The following CHKA variants were observed in gnomAD, a reference collection of about 807,000 sequenced individuals.
The protein encoded by CHKA is choline kinase alpha, also known as CHETK-alpha.
CHKA carries 34 observed loss-of-function variants against 60.1 expected under a neutral mutation model. That is an observed-to-expected ratio of 0.57 (90% CI 0.43 to 0.75). The LOEUF is 0.75. Among genes scored for constraint, CHKA ranks in the 30% least tolerant of loss-of-function variants. The pLI, the probability that CHKA is intolerant of heterozygous loss-of-function variation, is 0.00. For synonymous variants in CHKA, 217 were observed against 223.1 expected, an observed-to-expected ratio of 0.97 and a Z score of 0.24; for missense variants, 563 against 561.3, an observed-to-expected ratio of 1.00 and a Z score of -0.03.
At position 68,121,151 on chromosome 11, in the gene CHKA, GC is replaced by G. The variant is rs1192387986; in HGVS notation, c.26del (p.Gly9AlafsTer12). 8.3e-6 allele frequency: 10 copies of G among 1,207,078 alleles called. No homozygotes were observed. The highest frequency in any genetic ancestry group is 4.5e-5 in the East Asian group (1 of 22,280). 74.8% of individuals were successfully genotyped at this position (1,207,078 alleles called of 1,614,324 possible). A position where few individuals can be genotyped will look rare whatever the true frequency, so the allele number is the denominator to read the frequency against. On this transcript the variant is annotated frameshift_variant, in exon 1 of 12. Transcript: ENST00000265689. LOFTEE classifies it high-confidence loss of function. Reference protein sequence around the residue: MKTKFCTGGEAEPSPLGLL... With the variant: MKTKFCTGXEAEPSPLGLL... ...GCCCGAGCGGCGAGGGCTCCGCCTC[GC>G]CCCCGGTGCAGAATTTGGTTTTCAT...
At chr11:68,095,532 AC>A (rs1857473713) in intron 2 of CHKA, among the ~76,000 whole-genome samples, 1 of 146,256 alleles carries the variant, frequency 6.8e-6, no homozygotes, top group Admixed American at 7.0e-5. Context: ...ACACGGTGAA[AC>A]CCCGTCTCTA....
At chr11:68,055,253 G>A (rs536373004) in intron 11 of CHKA, among the ~76,000 whole-genome samples, 7 of 152,318 alleles carry the variant, frequency 4.6e-5, no homozygotes, top group Non-Finnish European at 7.3e-5. Flanking sequence ...AGCTGGGTGC[G>A]GTGGCGGGCG....
At chr11:68,104,679 C>T (rs559332434) in intron 1 of CHKA, among the ~76,000 whole-genome samples, 24 of 152,094 alleles carry the variant, frequency 1.6e-4, no homozygotes, top group Admixed American at 1.4e-3. Flanking sequence ...GCCTCGGCCT[C>T]CCAAATTGCT....
chr11:68,074,010 G>C (rs1367403179), intron 4 of CHKA, among the ~76,000 whole-genome samples: 1 of 152,116 alleles, frequency 6.6e-6, no homozygotes, highest in Non-Finnish European at 1.5e-5. Context: ...CAACACTTAG[G>C]GTTCATGAGA....
At chr11:68,120,692 G>C (rs1858595944) in intron 1 of CHKA, 136 bp downstream of exon 1, 5 of 290,816 alleles carry the variant, frequency 1.7e-5, no homozygotes, top group Middle Eastern at 1.3e-3. Context: ...TGCGGTCCCC[G>C]GTCCCCGGCC....
intron 5 of CHKA, 72 bp downstream of exon 5, chr11:68,070,652 A>G: frequency 6.6e-7 from 1 of 1,523,238 alleles, no homozygotes; most frequent in Non-Finnish European, 9.0e-7. Context: ...TGGCAAACAA[A>G]TGCTCACTTA....
chr11:68,104,154 T>C (rs551851946), intron 1 of CHKA, among the ~76,000 whole-genome samples: 1 of 152,140 alleles, frequency 6.6e-6, no homozygotes, highest in Non-Finnish European at 1.5e-5. Context: ...TTAAGCCTTA[T>C]AAAAGCAGGA....
chr11:68,087,254 C>T (rs1369537722), intron 2 of CHKA, among the ~76,000 whole-genome samples: 7 of 151,974 alleles, frequency 4.6e-5, no homozygotes, highest in Admixed American at 2.0e-4. Context: ...TTGAGGGGGG[C>T]GGATCATTTG....
intron 2 of CHKA, among the ~76,000 whole-genome samples, chr11:68,087,368 G>C (rs1742953047): frequency 1.3e-5 from 2 of 152,004 alleles, no homozygotes; most frequent in Admixed American, 6.6e-5. Context: ...TGTAATCTCA[G>C]CTACTTGGAA....
At position 68,065,913 on chromosome 11, in the gene CHKA, CAG is replaced by C; in HGVS notation, c.1017-21_1017-20del. 6.5e-7 allele frequency: 1 copy of C among 1,548,180 alleles called. No individual in the cohort carries two copies. The highest frequency in any genetic ancestry group is 8.9e-7 in the Non-Finnish European group (1 of 1,124,628). On this transcript the variant is annotated intron_variant, in intron 8 of 11. Transcript: ENST00000265689. ...GAATCCCCTGAAATAAGACATAAGA[CAG>C]TGCACACAATGAGGCAAACCGTATG...
chr11:68,120,565 C>T (rs1181071804), intron 1 of CHKA, among the ~76,000 whole-genome samples: 1 of 152,232 alleles, frequency 6.6e-6, no homozygotes, highest in Non-Finnish European at 1.5e-5. Context: ...TAGAACAGAC[C>T]CGTTTTCTCA....
At chr11:68,086,581 A>G (rs1472737307) in intron 2 of CHKA, among the ~76,000 whole-genome samples, 1 of 152,260 alleles carries the variant, frequency 6.6e-6, no homozygotes, top group Non-Finnish European at 1.5e-5. Context: ...ATAAAGCCCC[A>G]TTTGGGAGAT....
rs867637126 is a variant in CHKA at position 68,070,439 on chromosome 11, G to A, written c.765-146C>T. The A allele has an allele frequency of 8.6e-5, 61 of 708,914 alleles. 1 individual carries two copies. In the Middle Eastern group the frequency reaches 1.3e-3, roughly 15 times the overall value. 43.9% of individuals were successfully genotyped at this position (708,914 alleles called of 1,614,324 possible). A position where few individuals can be genotyped will look rare whatever the true frequency, so the allele number is the denominator to read the frequency against. On this transcript the variant is annotated intron_variant, in intron 5 of 11. Coordinates refer to ENST00000265689, the MANE Select transcript of CHKA (RefSeq NM_001277.3). ...CCCCTCTGACTGCCATGACTGAGGG[G>A]AAGAGGAGTGGCCTTGGGGGTTCGT...
chr11:68,062,069 A>G (rs1488242244), intron 10 of CHKA, 35 bp from the exon 11 acceptor site: 6 of 1,378,346 alleles, frequency 4.4e-6, no homozygotes, highest in Non-Finnish European at 6.1e-6. Context: ...TATAAGAGAC[A>G]TACAGTATCA....
At chr11:68,080,621 C>T (rs892480965) in intron 3 of CHKA, among the ~76,000 whole-genome samples, 6 of 152,348 alleles carry the variant, frequency 3.9e-5, no homozygotes, top group Admixed American at 2.6e-4. Context: ...GCTGGGATTA[C>T]AGGTGTGAGC....
At chr11:68,054,118 A>G (rs374879529) in intron 11 of CHKA, 71 bp from the exon 12 acceptor site, 25 of 1,318,908 alleles carry the variant, frequency 1.9e-5, no homozygotes, top group Non-Finnish European at 2.4e-5. Flanking sequence ...GTGTCCCCCA[A>G]TCCCCACCCC....
rs190142986 is a variant in CHKA at position 68,107,444 on chromosome 11, C to A, written c.351-10314G>T. On this transcript the variant is annotated intron_variant, in intron 1 of 11. Coordinates refer to ENST00000265689, the MANE Select transcript of CHKA (RefSeq NM_001277.3). Reference sequence around the variant, plus strand: ...TTCCTTCCTCTATTCAAAATAATTTCTTCCTCCTGATTTGCCTATTTCAGT... The same window carrying A: ...TTCCTTCCTCTATTCAAAATAATTTATTCCTCCTGATTTGCCTATTTCAGT... Among the ~76,000 whole-genome samples, 12 of 152,114 alleles carry A rather than the reference C, an allele frequency of 7.9e-5. No homozygotes were observed. The East Asian group carries it at 2.1e-3, about 27-fold the overall frequency.
intron 3 of CHKA, among the ~76,000 whole-genome samples, chr11:68,076,125 G>A (rs985508335): frequency 1.3e-5 from 2 of 152,138 alleles, no homozygotes; most frequent in African/African-American, 2.4e-5. Flanking sequence ...TGGATTTGCC[G>A]GTAATCCCCC....
rs371456937 is a variant in CHKA at position 68,109,951 on chromosome 11, CAAAATAA to C, written c.350+10870_350+10876del. Among the ~76,000 whole-genome samples, 526 of 151,796 alleles carry C rather than the reference CAAAATAA, an allele frequency of 3.5e-3. 3 individuals carry two copies. The highest frequency in any genetic ancestry group is 0.011 in the African/African-American group (453 of 41,382). Reference sequence around the variant, plus strand: ...TGGGTGACAGAGCGAGACTCTGTCTCAAAATAAAAAATAAAAAATAAAATCAATTAAT... The same window carrying C: ...TGGGTGACAGAGCGAGACTCTGTCTCAAAATAAAAAATAAAATCAATTAAT... On this transcript the variant is annotated intron_variant, in intron 1 of 11. Coordinates refer to ENST00000265689, the MANE Select transcript of CHKA (RefSeq NM_001277.3).
Sources: allele counts gnomAD v4.1 joint callset (sites outside exome capture counted in the v4.1 genomes callset), GRCh38; gene constraint gnomAD v4.1.1; transcripts MANE v1.5; gene names NCBI Gene and HGNC (gene_info 2026-07-23, HGNC 2026-07-21).